Variants in SNX29 observed in about 807,000 individuals in gnomAD.
SNX29 encodes sorting nexin-29.
Under a neutral mutation model 102.1 loss-of-function variants are expected in SNX29, and 78 were observed. The ratio of observed to expected loss-of-function variants is 0.76; its 90% confidence interval spans 0.64 to 0.92. The LOEUF (loss-of-function observed/expected upper bound fraction) is 0.92. Ranked by LOEUF, SNX29 falls within the 40% of genes least tolerant of loss-of-function variation. The pLI is 0.00. For synonymous variants in SNX29, 580 were observed against 414.5 expected, an observed-to-expected ratio of 1.40 and a Z score of -4.85; for missense variants, 1,280 against 1,061.7, an observed-to-expected ratio of 1.21 and a Z score of -2.86.
intron 15 of SNX29, among the ~76,000 whole-genome samples, chr16:12,289,646 T>A (rs1228341640): frequency 6.6e-6 from 1 of 152,178 alleles, no homozygotes; most frequent in African/African-American, 2.4e-5. Context: ...CAGATGAACT[T>A]CCTTAGAGAA....
At chr16:12,358,182 C>G (rs2082195790) in intron 16 of SNX29, among the ~76,000 whole-genome samples, 1 of 123,098 alleles carries the variant, frequency 8.1e-6, no homozygotes, top group Non-Finnish European at 2.0e-5. Context: ...AGTAAAAGCA[C>G]CTATTTATTA....
chr16:12,348,998 C>A (rs1246121313), intron 15 of SNX29, among the ~76,000 whole-genome samples: 1 of 152,186 alleles, frequency 6.6e-6, no homozygotes, highest in Non-Finnish European at 1.5e-5. Flanking sequence ...CAGAACACTT[C>A]CCCATTCCTC....
At chr16:12,073,615 G>T (rs1439837940) in intron 10 of SNX29, among the ~76,000 whole-genome samples, 1 of 152,108 alleles carries the variant, frequency 6.6e-6, no homozygotes, top group Non-Finnish European at 1.5e-5. Flanking sequence ...GAATAGATGT[G>T]GTGTGGTGCT....
Position 11,997,243 on chromosome 16 carries a change from T to G in SNX29, c.8-2054T>G, listed in dbSNP as rs188358467. 4.5e-3 allele frequency among the ~76,000 whole-genome samples: 691 copies of G among 152,264 alleles called. 5 individuals carry two copies. The highest frequency in any genetic ancestry group is 0.016 in the African/African-American group (649 of 41,552). ...AGACCAGAGCCAAGCTTGTCCTACC[T>G]CCGAGCCTCTCCCCTTGCTGTTTGC... is the stretch of plus-strand genomic sequence containing the variant. On this transcript the variant is annotated intron_variant, in intron 1 of 20. Coordinates refer to ENST00000566228, the MANE Select transcript of SNX29 (RefSeq NM_032167.5).
intron 20 of SNX29, among the ~76,000 whole-genome samples, chr16:12,550,725 G>A (rs549693640): frequency 1.3e-5 from 2 of 152,108 alleles, no homozygotes; most frequent in Non-Finnish European, 2.9e-5. Flanking sequence ...CTACACTCCT[G>A]TGTTGCCTAT....
chr16:12,341,014 C>CA (rs1231894961), intron 15 of SNX29, among the ~76,000 whole-genome samples: 2 of 152,146 alleles, frequency 1.3e-5, no homozygotes, highest in East Asian at 1.9e-4. Flanking sequence ...GTAGAATGGG[C>CA]ATAATGCCTT....
chr16:12,061,398 A>G, intron 8 of SNX29, 130 bp from the exon 9 acceptor site: 1 of 696,072 alleles, frequency 1.4e-6, no homozygotes. Flanking sequence ...CTCCCAGCCC[A>G]CACCTCCTTC....
intron 14 of SNX29, among the ~76,000 whole-genome samples, chr16:12,206,940 T>A (rs1487266662): frequency 6.6e-6 from 1 of 151,138 alleles, no homozygotes; most frequent in African/African-American, 2.4e-5. Flanking sequence ...TCAGCAAATA[T>A]GCTACAAATG....
At chr16:11,979,984 TAAG>T (rs2055379810) in intron 1 of SNX29, among the ~76,000 whole-genome samples, 3 of 152,216 alleles carry the variant, frequency 2.0e-5, no homozygotes, top group Admixed American at 6.6e-5. Flanking sequence ...ACTCAGAATC[TAAG>T]TAAGGTTTAA....
intron 14 of SNX29, among the ~76,000 whole-genome samples, chr16:12,231,131 A>G (rs1272658498): frequency 3.3e-5 from 5 of 152,128 alleles, no homozygotes; most frequent in Admixed American, 1.3e-4. Context: ...GGAATTACAG[A>G]TGTTAGCCAA....
intron 15 of SNX29, among the ~76,000 whole-genome samples, chr16:12,324,426 G>A (rs528975546): frequency 6.4e-4 from 97 of 151,964 alleles, no homozygotes; most frequent in Middle Eastern, 6.8e-3. Flanking sequence ...TTCAGTGCTG[G>A]CATCTGTTTT....
At chr16:12,040,144 G>A (rs188461354) in intron 4 of SNX29, among the ~76,000 whole-genome samples, 17 of 152,230 alleles carry the variant, frequency 1.1e-4, no homozygotes, top group Admixed American at 9.2e-4. Context: ...CAAGAGGATC[G>A]CTTGAAGCCA....
chr16:12,564,302 G>A (rs544671047), intron 20 of SNX29, among the ~76,000 whole-genome samples: 4 of 152,270 alleles, frequency 2.6e-5, no homozygotes, highest in African/African-American at 9.6e-5. Flanking sequence ...GAAGTTGCTG[G>A]CTAGACTTCA....
At chr16:12,546,988 C>CA (rs1199367564) in intron 20 of SNX29, among the ~76,000 whole-genome samples, 2 of 152,142 alleles carry the variant, frequency 1.3e-5, no homozygotes, top group Non-Finnish European at 2.9e-5. Context: ...TTAGTACTTA[C>CA]AGTGCACCAT....
chr16:12,152,149 A>T (rs1339889624), intron 13 of SNX29, among the ~76,000 whole-genome samples: 3 of 151,948 alleles, frequency 2.0e-5, no homozygotes, highest in Non-Finnish European at 4.4e-5. Flanking sequence ...TGGGCCCGCG[A>T]GGTGAAGGTT....
chr16:12,274,024 A>G (rs902029111), intron 14 of SNX29, among the ~76,000 whole-genome samples: 1 of 152,130 alleles, frequency 6.6e-6, no homozygotes, highest in African/African-American at 2.4e-5. Flanking sequence ...TGTTACTATG[A>G]AGTATTCTCT....
intron 15 of SNX29, among the ~76,000 whole-genome samples, chr16:12,296,213 C>T (rs1251513669): frequency 6.6e-6 from 1 of 152,136 alleles, no homozygotes; most frequent in Non-Finnish European, 1.5e-5. Flanking sequence ...ATAATGACTG[C>T]CTTCCTGGTG....
At chr16:11,983,843 G>A (rs1466061257) in intron 1 of SNX29, 1 of 329,774 alleles carries the variant, frequency 3.0e-6, no homozygotes, top group Non-Finnish European at 4.3e-6. Flanking sequence ...CCACTGTCTT[G>A]TCTATACATA....
chr16:12,428,935 A>G (rs1042814260), intron 18 of SNX29, among the ~76,000 whole-genome samples: 5 of 152,148 alleles, frequency 3.3e-5, no homozygotes, highest in Non-Finnish European at 7.3e-5. Context: ...TACGATTGCA[A>G]CTAATATCTC....
Sources: allele counts gnomAD v4.1 joint callset (sites outside exome capture counted in the v4.1 genomes callset), GRCh38; gene constraint gnomAD v4.1.1; transcripts MANE v1.5; gene names NCBI Gene and HGNC (gene_info 2026-07-23, HGNC 2026-07-21).